XIAP: variants seen among roughly 807,000 people sequenced by gnomAD.
The protein encoded by XIAP is E3 ubiquitin-protein ligase XIAP.
In XIAP, 3 loss-of-function variants were observed where a neutral mutation model predicts 33.1. The observed-to-expected ratio is 0.09, with a 90% CI of 0.04 to 0.23. XIAP has a LOEUF of 0.23. Among genes scored for constraint, XIAP ranks in the 10% least tolerant of loss-of-function variants. The pLI is 1.00. For missense variants in XIAP, 264 were observed against 363.0 expected (o/e 0.73, Z 2.22); for synonymous variants, 98 against 121.3 (o/e 0.81, Z 1.26).
At chrX:123,886,592 T>C in intron 2 of XIAP, 53 bp downstream of exon 2, 1 of 1,167,740 alleles carries the variant, frequency 8.6e-7, no homozygotes, top group Non-Finnish European at 1.2e-6. Flanking sequence ...CCAGGGCTCA[T>C]AAAAAGTAAA....
chrX:123,862,185 C>A (rs2053086603), intron 1 of XIAP, among the ~76,000 whole-genome samples: 1 of 109,075 alleles, frequency 9.2e-6, no homozygotes, highest in African/African-American at 3.3e-5. Flanking sequence ...TCAAGCTACT[C>A]AGCCTCCCCA....
rs2053456140 is a variant in XIAP, at chrX:123,895,948, G to A, written c.1099+3175G>A. Among the ~76,000 whole-genome samples, 5 of 110,891 alleles carry A rather than the reference G, an allele frequency of 4.5e-5. No individual in the cohort carries two copies. In the Admixed American group the frequency reaches 4.9e-4, roughly 11 times the overall value. ...GGCTAATTTTTGTATTTTTAGTAGGGACGGGGTTTCGCTATATTAGCCAGG... is the reference window on the plus strand; with the variant it reads ...GGCTAATTTTTGTATTTTTAGTAGGAACGGGGTTTCGCTATATTAGCCAGG... On this transcript the variant is annotated intron_variant, in intron 5 of 6. Transcript: ENST00000371199.
At chrX:123,892,333 C>T (rs903451408) in intron 4 of XIAP, among the ~76,000 whole-genome samples, 8 of 111,182 alleles carry the variant, frequency 7.2e-5, no homozygotes, top group African/African-American at 2.0e-4. Context: ...CGCCACTACA[C>T]TCCAGCCTGG....
Position 123,877,586 on chromosome X carries a change from A to G in XIAP, c.-32-8045A>G, listed in dbSNP as rs144115780. On this transcript the variant is annotated intron_variant, in intron 1 of 6. Coordinates refer to ENST00000371199, the MANE Select transcript of XIAP (RefSeq NM_001167.4). ...AGAAAGTGATTTGTTACAATTAGCA[A>G]CAGAAGAACAACATTAGAAATAAGA... Among the ~76,000 whole-genome samples, 338 of 112,168 alleles carry G rather than the reference A, an allele frequency of 3.0e-3. 3 individuals are homozygous for G. Among genetic ancestry groups the G allele is most frequent in the African/African-American group, 0.011 (327 of 30,946 alleles).
chrX:123,880,654 T>G (rs1390132419), intron 1 of XIAP, among the ~76,000 whole-genome samples: 1 of 105,650 alleles, frequency 9.5e-6, no homozygotes, highest in Non-Finnish European at 1.9e-5. Context: ...GGAGAATGGC[T>G]TGGACCTGGG....
In XIAP at chrX:123,900,499, C is replaced by T; in HGVS notation, c.1106C>T (p.Thr369Ile). 1 of 1,206,820 alleles carries T rather than the reference C, an allele frequency of 8.3e-7. No individual in the cohort carries two copies. Among genetic ancestry groups the T allele is most frequent in the Non-Finnish European group, 1.1e-6 (1 of 891,761 alleles). The change falls in exon 6 of 7, where the codon ACC (threonine) becomes ATC (isoleucine). Residue 369 changes from threonine to isoleucine, a missense_variant. Coordinates refer to ENST00000371199, the MANE Select transcript of XIAP (RefSeq NM_001167.4). ...TCACCAATTTTTATTTCAGATGATA[C>T]CATCTTCCAAAATCCTATGGTACAA... Reference protein sequence around the residue: ...TPSLTRRIDDTIFQNPMVQEA... With the variant: ...TPSLTRRIDDIIFQNPMVQEA...
At chrX:123,895,876 C>G (rs2148101456) in intron 5 of XIAP, among the ~76,000 whole-genome samples, 1 of 107,811 alleles carries the variant, frequency 9.3e-6, no homozygotes, top group Non-Finnish European at 1.9e-5. Flanking sequence ...ATCCTCCTGA[C>G]TCAGCCTCCC....
At chrX:123,865,220 T>G (rs757636953) in intron 1 of XIAP, among the ~76,000 whole-genome samples, 15 of 110,265 alleles carry the variant, frequency 1.4e-4, no homozygotes, top group African/African-American at 4.9e-4. Context: ...AGTGATAAGA[T>G]AAAAAATACT....
At chrX:123,893,540 G>GA (rs1340415766) in intron 5 of XIAP, among the ~76,000 whole-genome samples, 2 of 110,419 alleles carry the variant, frequency 1.8e-5, no homozygotes, top group Non-Finnish European at 3.8e-5. Context: ...AAACAAAAAT[G>GA]AAAAAAATAA....
At chrX:123,879,229 A>G (rs1035292038) in intron 1 of XIAP, 22 of 109,526 alleles carry the variant, frequency 2.0e-4, no homozygotes, top group African/African-American at 6.3e-4. Flanking sequence ...ATCCACATCT[A>G]TGATTGAAGA....
rs1281101516 is a variant in XIAP, at chrX:123,911,814, C to T, written c.*4633C>T. 1 of 329,551 alleles carries T rather than the reference C, an allele frequency of 3.0e-6. No individual in the cohort carries two copies. Among genetic ancestry groups the T allele is most frequent in the Non-Finnish European group, 5.9e-6 (1 of 170,031 alleles). 27.2% of individuals were successfully genotyped at this position (329,551 alleles called of 1,213,427 possible). On this transcript the variant is annotated 3_prime_UTR_variant, in exon 7 of 7. Coordinates refer to ENST00000371199, the MANE Select transcript of XIAP (RefSeq NM_001167.4). ...TTCAATAATCATTTTCAGTTTGACTCATACAGTTAACACAATGTGAATTTC... is the reference window on the plus strand; with the variant it reads ...TTCAATAATCATTTTCAGTTTGACTTATACAGTTAACACAATGTGAATTTC...
At chrX:123,883,126 A>G (rs1202843471) in intron 1 of XIAP, among the ~76,000 whole-genome samples, 1 of 109,885 alleles carries the variant, frequency 9.1e-6, no homozygotes, top group Non-Finnish European at 1.9e-5. Context: ...TCTGTCGCCC[A>G]GGATGGAGTG....
At chrX:123,892,926 T>C (rs1418542816) in intron 5 of XIAP, among the ~76,000 whole-genome samples, 153 bp downstream of exon 5, 1 of 110,750 alleles carries the variant, frequency 9.0e-6, no homozygotes, top group Non-Finnish European at 1.9e-5. Flanking sequence ...GTTCAACCGA[T>C]TCTCCTGCCT....
chrX:123,867,049 C>CTCCA (rs2053147085), intron 1 of XIAP, among the ~76,000 whole-genome samples: 1 of 55,075 alleles, frequency 1.8e-5, no homozygotes, highest in Non-Finnish European at 3.4e-5. Flanking sequence ...CCCCCCCCCC[C>CTCCA]TTCAACATTC....
Position 123,899,144 on chromosome X carries a change from A to AAAAAAAAAAAAAT in XIAP, c.1100-1348_1100-1347insAAAAAAAAAAATA, listed in dbSNP as rs1186271285. On this transcript the variant is annotated intron_variant, in intron 5 of 6. Coordinates refer to ENST00000371199, the MANE Select transcript of XIAP (RefSeq NM_001167.4). ...CAAAAAAAAAAAAAAAAAAAAAAAAAATATATATATATATATATATATGAT... is the reference window on the plus strand; with the variant it reads ...CAAAAAAAAAAAAAAAAAAAAAAAAAAAAAAAAAAAAATATATATATATATATATATATATGAT... 8.0e-5 allele frequency among the ~76,000 whole-genome samples: 4 copies of AAAAAAAAAAAAAT among 50,165 alleles called. 1 individual carries two copies. The highest frequency in any genetic ancestry group is 2.5e-4 in the African/African-American group (3 of 11,847). The allele number at this position is 50,165 out of a possible 115,157, so 43.6% of individuals were successfully genotyped here. A position where few individuals can be genotyped will look rare whatever the true frequency, so the allele number is the denominator to read the frequency against.
In XIAP at chrX:123,876,016, A is replaced by G. The variant is rs758197059; in HGVS notation, c.-32-9615A>G. Among the ~76,000 whole-genome samples, 3 of 111,385 alleles carry G rather than the reference A, an allele frequency of 2.7e-5. No individual in the cohort carries two copies. In the Admixed American group the frequency reaches 2.9e-4, roughly 11 times the overall value. On this transcript the variant is annotated intron_variant, in intron 1 of 6. Coordinates refer to ENST00000371199, the MANE Select transcript of XIAP (RefSeq NM_001167.4). ...ATAGATTTATAAGTGTATTCATACT[A>G]CTTTTTTTGTTTTTTAAGACAGTGT...
intron 1 of XIAP, among the ~76,000 whole-genome samples, chrX:123,867,219 C>G (rs1437051449): frequency 9.4e-6 from 1 of 106,912 alleles, no homozygotes; most frequent in Non-Finnish European, 1.9e-5. Flanking sequence ...TACAGGTGCC[C>G]GCCACCACGC....
chrX:123,877,401 T>C (rs997766830), intron 1 of XIAP, among the ~76,000 whole-genome samples: 2 of 111,955 alleles, frequency 1.8e-5, no homozygotes, highest in Non-Finnish European at 3.8e-5. Flanking sequence ...CTATACCTGT[T>C]TGGAATTAGT....
rs369490636 is a variant in XIAP, at chrX:123,881,344, C to T, written c.-32-4287C>T. ...ACTTGTTTTCTGTGGTATCATTTTC[C>T]CCACCTCCATTTCACTTAGATCCTA... On this transcript the variant is annotated intron_variant, in intron 1 of 6. Transcript: ENST00000371199. Among the ~76,000 whole-genome samples, 9 of 110,925 alleles carry T rather than the reference C, an allele frequency of 8.1e-5. No homozygotes were observed. In the East Asian group the frequency reaches 2.5e-3, roughly 31 times the overall value.
Sources: allele counts gnomAD v4.1 joint callset (sites outside exome capture counted in the v4.1 genomes callset), GRCh38; gene constraint gnomAD v4.1.1; transcripts MANE v1.5; gene names NCBI Gene and HGNC (gene_info 2026-07-23, HGNC 2026-07-21).